Variants in GON4L observed in about 807,000 individuals in gnomAD.
The protein encoded by GON4L is gon-4 like.
GON4L carries 87 observed loss-of-function variants against 211.8 expected under a neutral mutation model. That is an observed-to-expected ratio of 0.41 (90% CI 0.35 to 0.49). The LOEUF (loss-of-function observed/expected upper bound fraction) is 0.49. Among genes scored for constraint, GON4L ranks in the 20% least tolerant of loss-of-function variants. The pLI is 0.15. For synonymous variants in GON4L, 875 were observed against 962.6 expected (o/e 0.91, Z 1.68); for missense variants, 2,155 against 2,659.5 (o/e 0.81, Z 4.17).
At chr1:155,804,639 C>T (rs1467701282) in intron 11 of GON4L, among the ~76,000 whole-genome samples, 2 of 151,742 alleles carry the variant, frequency 1.3e-5, no homozygotes, top group Non-Finnish European at 2.9e-5. Context: ...AAAAATTAGT[C>T]GGGCACAGTG....
At chr1:155,850,754 C>T (rs1671693321) in intron 2 of GON4L, among the ~76,000 whole-genome samples, 1 of 151,998 alleles carries the variant, frequency 6.6e-6, no homozygotes, top group Admixed American at 6.6e-5. Flanking sequence ...TCTTAACAGT[C>T]AAAATGAATG....
Position 155,764,708 on chromosome 1 carries a change from G to T in GON4L, c.4473+292C>A, listed in dbSNP as rs1049834727. 64 of 814,474 alleles carry T rather than the reference G, an allele frequency of 7.9e-5. No individual in the cohort carries two copies. The East Asian group carries it at 1.7e-3, about 22-fold the overall frequency. 50.5% of individuals were successfully genotyped at this position (814,474 alleles called of 1,614,324 possible). ...CCCACCTCAGCCTCCCAAAGTGCTG[G>T]GACTACAGGAGTGAGCCACCAAGCC... is the stretch of plus-strand genomic sequence containing the variant. On this transcript the variant is annotated intron_variant, in intron 21 of 31. Coordinates refer to ENST00000368331, the MANE Select transcript of GON4L (RefSeq NM_001282860.2).
At chr1:155,753,070 T>C in intron 29 of GON4L, 134 bp downstream of exon 29, 2 of 679,440 alleles carry the variant, frequency 2.9e-6, no homozygotes, top group African/African-American at 3.6e-5. Context: ...AAGGGCTTCC[T>C]ATGGGTCCAT....
At chr1:155,801,713 T>G (rs1666683104) in intron 11 of GON4L, among the ~76,000 whole-genome samples, 2 of 151,794 alleles carry the variant, frequency 1.3e-5, no homozygotes, top group Admixed American at 1.3e-4. Flanking sequence ...TGAAACCCTG[T>G]CTCTACTAAA....
downstream of GON4L, chr1:155,747,949 A>T: frequency 6.4e-7 from 1 of 1,564,242 alleles, no homozygotes; most frequent in Non-Finnish European, 8.7e-7. Context: ...AGAGTGGCTT[A>T]ATGCAAACTG....
intron 4 of GON4L, 137 bp from the exon 5 acceptor site, chr1:155,821,685 G>A: frequency 1.5e-6 from 1 of 673,314 alleles, no homozygotes; most frequent in Non-Finnish European, 2.8e-6. Flanking sequence ...CTGGGGTAAA[G>A]CAAGGCAACT....
At chr1:155,803,485 C>T (rs1666871943) in intron 11 of GON4L, among the ~76,000 whole-genome samples, 1 of 152,142 alleles carries the variant, frequency 6.6e-6, no homozygotes, top group African/African-American at 2.4e-5. Context: ...CCTTGTGATC[C>T]GCCCGCCTCG....
At chr1:155,834,894 G>A (rs1670150045) in intron 2 of GON4L, among the ~76,000 whole-genome samples, 2 of 146,586 alleles carry the variant, frequency 1.4e-5, no homozygotes. Context: ...CCCCGTCCGG[G>A]AGGTGAGGGG....
At chr1:155,821,108 T>C (rs1006858941) in intron 5 of GON4L, among the ~76,000 whole-genome samples, 1 of 151,802 alleles carries the variant, frequency 6.6e-6, no homozygotes, top group Non-Finnish European at 1.5e-5. Flanking sequence ...CTATTAAAAA[T>C]ACAAAAAATT....
rs1017681728 is a variant in GON4L at position 155,766,666 on chromosome 1, T to C, written c.2807A>G (p.Asp936Gly). The change falls in exon 21 of 32, where the codon GAT becomes GGT. Residue 936 changes from aspartate to glycine, a missense_variant. This residue lies in a region of GON4L where 551 missense variants were observed against 854.0 expected (regional missense o/e 0.65). Transcript: ENST00000368331. ...CATATTTCCTACCTCTCTAGCACCA[T>C]CAGCCATGTGCCGCAGTTCTTCCTG... ...SIQEELRHMA[D>G]GAREVGNMTG... is the part of the protein sequence containing the mutation. 5 of 1,614,082 alleles carry C rather than the reference T, an allele frequency of 3.1e-6. No homozygotes were observed. Among genetic ancestry groups the C allele is most frequent in the Admixed American group, 1.7e-5 (1 of 60,000 alleles).
At chr1:155,856,904 G>A (rs1188328801) in intron 1 of GON4L, among the ~76,000 whole-genome samples, 1 of 152,126 alleles carries the variant, frequency 6.6e-6, no homozygotes, top group African/African-American at 2.4e-5. Context: ...ATGCCAATGT[G>A]GAGGCAGCCC....
At chr1:155,784,916 C>T in intron 13 of GON4L, 2 of 295,930 alleles carry the variant, frequency 6.8e-6, no homozygotes, top group East Asian at 8.2e-5. Context: ...AGTTCCAGAA[C>T]AACCTGAGCA....
chr1:155,785,324 C>T lies in GON4L; in HGVS notation c.1788+10G>A. On this transcript the variant is annotated intron_variant, in intron 13 of 31. Transcript: ENST00000368331. Reference sequence around the variant, plus strand: ...AAATCCCGTGTTCTCACTCGAGGATCATTACTCACAGTTTCAAACAGCTCT... The same window carrying T: ...AAATCCCGTGTTCTCACTCGAGGATTATTACTCACAGTTTCAAACAGCTCT... The T allele has an allele frequency of 6.4e-7, 1 of 1,552,714 alleles. No homozygotes were observed. The highest frequency in any genetic ancestry group is 8.9e-7 in the Non-Finnish European group (1 of 1,123,834).
At chr1:155,811,118 C>T (rs931282111) in intron 10 of GON4L, among the ~76,000 whole-genome samples, 2 of 152,020 alleles carry the variant, frequency 1.3e-5, no homozygotes, top group African/African-American at 2.4e-5. Flanking sequence ...TCAGGCCAAG[C>T]GTGGTGGTTC....
At chr1:155,751,588 T>C (rs1287807937) in intron 31 of GON4L, among the ~76,000 whole-genome samples, 179 bp downstream of exon 31, 1 of 152,154 alleles carries the variant, frequency 6.6e-6, no homozygotes, top group African/African-American at 2.4e-5. Flanking sequence ...CCTCAAAATC[T>C]AGTGTCCTTT....
intron 19 of GON4L, among the ~76,000 whole-genome samples, chr1:155,768,054 A>T (rs908621095): frequency 5.3e-5 from 8 of 152,170 alleles, no homozygotes; most frequent in African/African-American, 7.2e-5. Flanking sequence ...CATGCCTATA[A>T]TCCCAGCACT....
chr1:155,778,445 A>C (rs1401977677), intron 14 of GON4L, among the ~76,000 whole-genome samples: 2 of 151,826 alleles, frequency 1.3e-5, no homozygotes, highest in African/African-American at 4.8e-5. Flanking sequence ...TAGAGATGGG[A>C]TTTCACTGTG....
downstream of GON4L, among the ~76,000 whole-genome samples, chr1:155,745,146 G>A (rs1018887236): frequency 2.0e-5 from 3 of 152,254 alleles, no homozygotes; most frequent in Non-Finnish European, 4.4e-5. Context: ...CTTTAGAATA[G>A]ATCAGTGGTG....
At position 155,762,274 on chromosome 1, in the gene GON4L, C is replaced by A; in HGVS notation, c.4827G>T (p.Leu1609=). The A allele has an allele frequency of 6.2e-7, 1 of 1,613,442 alleles. No homozygotes were observed. The highest frequency in any genetic ancestry group is 8.5e-7 in the Non-Finnish European group (1 of 1,179,670). ...CGAGAATGTCCTCATCATACAGCAA[C>A]AGCAGCTTGGAGGTGTCCTTGCTGG... ...ARASKDTSKL[L]LLYDEDILER... The change falls in exon 23 of 32, where the codon CTG becomes CTT. Residue 1609 remains leucine (L), a synonymous_variant. Coordinates refer to ENST00000368331, the MANE Select transcript of GON4L (RefSeq NM_001282860.2).
Sources: gnomAD v4.1 joint callset for allele counts (sites outside exome capture counted in the v4.1 genomes callset) on GRCh38, gnomAD v4.1.1 for gene constraint, gnomAD v4.1.1 regional missense constraint, MANE v1.5 for transcripts, NCBI Gene and HGNC (gene_info 2026-07-23, HGNC 2026-07-21) for gene names.